PCDHGA7: variants seen among roughly 807,000 people sequenced by gnomAD.
The protein encoded by PCDHGA7 is protocadherin gamma subfamily A, 7.
Under a neutral mutation model 58.3 loss-of-function variants are expected in PCDHGA7, and 44 were observed. That is an observed-to-expected ratio of 0.75 (90% CI 0.59 to 0.97). The LOEUF is 0.97. Ranked by LOEUF, PCDHGA7 falls within the 50% of genes least tolerant of loss-of-function variation. The pLI is 0.00. For missense variants in PCDHGA7, 1,266 were observed against 1,188.7 expected, an observed-to-expected ratio of 1.06 and a Z score of -0.96; for synonymous variants, 516 against 504.2, an observed-to-expected ratio of 1.02 and a Z score of -0.31.
intron 1 of PCDHGA7, among the ~76,000 whole-genome samples, chr5:141,438,587 C>CATAT (rs1372372472): frequency 2.7e-5 from 2 of 73,430 alleles, no homozygotes; most frequent in Non-Finnish European, 5.2e-5. Context: ...TACATACATA[C>CATAT]ATACATATAT....
At chr5:141,450,826 A>C (rs965147554) in intron 1 of PCDHGA7, among the ~76,000 whole-genome samples, 1 of 134,302 alleles carries the variant, frequency 7.4e-6, no homozygotes, top group African/African-American at 2.9e-5. Context: ...TATTATTATT[A>C]TTATTTTTTT....
At position 141,490,328 on chromosome 5, in the gene PCDHGA7, C is replaced by T; in HGVS notation, c.2425-4479C>T. 2 of 1,614,228 alleles carry T rather than the reference C, an allele frequency of 1.2e-6. No homozygotes were observed. Among genetic ancestry groups the T allele is most frequent in the Non-Finnish European group, 1.7e-6 (2 of 1,180,048 alleles). Reference sequence around the variant, plus strand: ...TTGGCCAACCCTGTCCTAGAGAGCACACCAGTGGGCACAGTAGTGGGGTTG... The same window carrying T: ...TTGGCCAACCCTGTCCTAGAGAGCATACCAGTGGGCACAGTAGTGGGGTTG... On this transcript the variant is annotated intron_variant, in intron 1 of 3. Coordinates refer to ENST00000518325, the MANE Select transcript of PCDHGA7 (RefSeq NM_018920.4). The surrounding 1 kb of genome is among the most constrained non-coding windows in gnomAD (Gnocchi z 5.4).
intron 1 of PCDHGA7, chr5:141,408,226 G>T (rs909432449): frequency 2.1e-5 from 33 of 1,562,288 alleles, no homozygotes; most frequent in Admixed American, 3.9e-5. Flanking sequence ...GCGCGCAGAG[G>T]CGCCGGGCCG....
intron 2 of PCDHGA7, among the ~76,000 whole-genome samples, chr5:141,497,553 T>G (rs2099777684): frequency 6.6e-6 from 1 of 151,326 alleles, no homozygotes; most frequent in Non-Finnish European, 1.5e-5. Flanking sequence ...TTTTTTTTTT[T>G]TTTTTAGACA....
In PCDHGA7 at chr5:141,477,428, T is replaced by C; in HGVS notation, c.2425-17379T>C. On this transcript the variant is annotated intron_variant, in intron 1 of 3. Transcript: ENST00000518325. The surrounding 1 kb of genome is among the most constrained non-coding windows in gnomAD (Gnocchi z 4.9). ...CCGAGACGCCGGAACCCCTTCCCTC[T>C]CAGCCCTTACAATAGTGCGTGTTCA... The C allele has an allele frequency of 6.2e-7, 1 of 1,614,142 alleles. No individual in the cohort carries two copies. Among genetic ancestry groups the C allele is most frequent in the Non-Finnish European group, 8.5e-7 (1 of 1,180,036 alleles).
At chr5:141,509,216 T>C (rs2099875781) in intron 3 of PCDHGA7, among the ~76,000 whole-genome samples, 1 of 152,124 alleles carries the variant, frequency 6.6e-6, no homozygotes, top group South Asian at 2.1e-4. Flanking sequence ...TATTTCTCAA[T>C]CCCTGGTTGA....
In PCDHGA7 at chr5:141,489,223, C is replaced by T. The variant is rs771455540; in HGVS notation, c.2425-5584C>T. The T allele has an allele frequency of 6.6e-7, 1 of 1,515,444 alleles. No homozygotes were observed. The highest frequency in any genetic ancestry group is 1.3e-5 in the South Asian group (1 of 75,776). 93.9% of individuals were successfully genotyped at this position (1,515,444 alleles called of 1,614,324 possible). A position where few individuals can be genotyped will look rare whatever the true frequency, so the allele number is the denominator to read the frequency against. The stretch of plus-strand genomic sequence containing the variant: ...CAGGACAGCACAGACTTACTCTCCA[C>T]AAAGGGACTTCTGGGTCATGGGGCC... On this transcript the variant is annotated intron_variant, in intron 1 of 3. Coordinates refer to ENST00000518325, the MANE Select transcript of PCDHGA7 (RefSeq NM_018920.4). The surrounding 1 kb of genome is among the most constrained non-coding windows in gnomAD (Gnocchi z 4.5).
At chr5:141,403,039 T>A (rs989723883) in intron 1 of PCDHGA7, 64 of 1,614,050 alleles carry the variant, frequency 4.0e-5, no homozygotes, top group Non-Finnish European at 5.4e-5. Context: ...CCAGGGCCAG[T>A]CAGATTCGCT....
Position 141,511,253 on chromosome 5 carries a change from A to G in PCDHGA7, c.*80A>G. The G allele has an allele frequency of 1.3e-6, 2 of 1,568,402 alleles. No homozygotes were observed. The highest frequency in any genetic ancestry group is 1.7e-6 in the Non-Finnish European group (2 of 1,157,066). On this transcript the variant is annotated 3_prime_UTR_variant, in exon 4 of 4. Coordinates refer to ENST00000518325, the MANE Select transcript of PCDHGA7 (RefSeq NM_018920.4). ...CTCCTTACCTGCACCCAGGCCTCAG[A>G]GTTTCAGGGCTAACCCCCAGAATAC...
chr5:141,462,336 T>C (rs2099037439), intron 1 of PCDHGA7, among the ~76,000 whole-genome samples: 1 of 152,238 alleles, frequency 6.6e-6, no homozygotes, highest in African/African-American at 2.4e-5. Flanking sequence ...TTTAATTGTA[T>C]TGTGATCCAA....
rs770391604 is a variant in PCDHGA7, at chr5:141,431,437, G to A, written c.2424+46114G>A. On this transcript the variant is annotated intron_variant, in intron 1 of 3. Coordinates refer to ENST00000518325, the MANE Select transcript of PCDHGA7 (RefSeq NM_018920.4). The surrounding 1 kb of genome is among the most constrained non-coding windows in gnomAD (Gnocchi z 4.8). ...GCGACCCGGTGCGCACAGGCACCGC[G>A]CGCATCCGCGTGATGGTTCTGGATG... The A allele has an allele frequency of 7.4e-6, 12 of 1,613,710 alleles. No homozygotes were observed. In the East Asian group the frequency reaches 2.5e-4, roughly 33 times the overall value.
intron 2 of PCDHGA7, among the ~76,000 whole-genome samples, chr5:141,499,112 A>G (rs550424495): frequency 6.6e-6 from 1 of 152,238 alleles, no homozygotes; most frequent in African/African-American, 2.4e-5. Context: ...CCCCACCACT[A>G]TCCCTTCTCA....
chr5:141,435,603 T>C (rs1195458514), intron 1 of PCDHGA7, among the ~76,000 whole-genome samples: 1 of 152,218 alleles, frequency 6.6e-6, no homozygotes, highest in African/African-American at 2.4e-5. Flanking sequence ...GCCTGCTTTT[T>C]ACATTAAATT....
chr5:141,450,568 C>A (rs2098685790), intron 1 of PCDHGA7, among the ~76,000 whole-genome samples: 1 of 152,002 alleles, frequency 6.6e-6, no homozygotes. Flanking sequence ...CTCACTGCAA[C>A]TTCTGCCTCC....
chr5:141,393,615 G>A (rs1168568292), intron 1 of PCDHGA7: 1 of 1,613,928 alleles, frequency 6.2e-7, no homozygotes, highest in South Asian at 1.1e-5. Context: ...AACAGCCAGC[G>A]ACCCGGATGA....
chr5:141,408,309 C>G, intron 1 of PCDHGA7: 1 of 1,613,816 alleles, frequency 6.2e-7, no homozygotes, highest in South Asian at 1.1e-5. Context: ...ATCCGCTACT[C>G]GATTCCGGAG....
chr5:141,418,363 C>G (rs147423305), intron 1 of PCDHGA7: 1 of 1,613,866 alleles, frequency 6.2e-7, no homozygotes, highest in Non-Finnish European at 8.5e-7. Context: ...ATTCGCTGAG[C>G]AAATACCAAC....
intron 3 of PCDHGA7, among the ~76,000 whole-genome samples, chr5:141,510,639 T>TATCA (rs998925545): frequency 1.4e-4 from 22 of 152,300 alleles, no homozygotes; most frequent in African/African-American, 4.6e-4. Context: ...TGGTTACCAT[T>TATCA]ATCATCCCCA....
chr5:141,394,740 G>A (rs148904388), intron 1 of PCDHGA7: 174 of 1,613,404 alleles, frequency 1.1e-4, no homozygotes, highest in Non-Finnish European at 1.4e-4. Flanking sequence ...GCAGAGCCTC[G>A]TGGTGGCCGT....
Sources: gnomAD v4.1 joint callset for allele counts (sites outside exome capture counted in the v4.1 genomes callset) on GRCh38, gnomAD v4.1.1 for gene constraint, Gnocchi (gnomAD v3.1) non-coding constraint, MANE v1.5 for transcripts, NCBI Gene and HGNC (gene_info 2026-07-23, HGNC 2026-07-21) for gene names.